DGKB: variants seen among roughly 807,000 people sequenced by gnomAD.
DGKB encodes the protein diacylglycerol kinase beta, also known as 90 kDa diacylglycerol kinase.
DGKB carries 67 observed loss-of-function variants against 114.3 expected under a neutral mutation model. That is an observed-to-expected ratio of 0.59 (90% CI 0.48 to 0.72). The LOEUF is 0.72. Ranked by LOEUF, DGKB falls within the 30% of genes least tolerant of loss-of-function variation. The pLI, the probability that DGKB is intolerant of heterozygous loss-of-function variation, is 0.00. For synonymous variants in DGKB, 398 were observed against 323.1 expected, an observed-to-expected ratio of 1.23 and a Z score of -2.49; for missense variants, 907 against 975.2, an observed-to-expected ratio of 0.93 and a Z score of 0.93.
intron 1 of DGKB, among the ~76,000 whole-genome samples, chr7:14,847,555 A>C (rs574177830): frequency 6.6e-6 from 1 of 152,372 alleles, no homozygotes; most frequent in South Asian, 2.1e-4. Context: ...GATGCAAGGC[A>C]TCATGCCAGA....
intron 21 of DGKB, among the ~76,000 whole-genome samples, chr7:14,462,448 C>T (rs1256398796): frequency 6.6e-6 from 1 of 152,106 alleles, no homozygotes; most frequent in Non-Finnish European, 1.5e-5. Context: ...ACAAGCATTC[C>T]TATACACCAA....
intron 1 of DGKB, among the ~76,000 whole-genome samples, chr7:14,901,771 T>C (rs184350877): frequency 2.8e-4 from 43 of 152,284 alleles, no homozygotes; most frequent in African/African-American, 1.0e-3. Flanking sequence ...TCATTTGCTT[T>C]ACAATGGACT....
chr7:14,483,346 T>C (rs1783280142), intron 20 of DGKB, among the ~76,000 whole-genome samples: 1 of 152,200 alleles, frequency 6.6e-6, no homozygotes, highest in Non-Finnish European at 1.5e-5. Flanking sequence ...TGTCCACAAA[T>C]GGAGAGATAT....
intron 1 of DGKB, among the ~76,000 whole-genome samples, chr7:14,844,797 C>G (rs561787538): frequency 1.9e-3 from 287 of 152,176 alleles, no homozygotes; most frequent in Non-Finnish European, 3.5e-3. Flanking sequence ...CACCTGCCTA[C>G]CTGCTCTGAA....
At chr7:14,830,637 G>C (rs1176296972) in intron 2 of DGKB, among the ~76,000 whole-genome samples, 2 of 151,972 alleles carry the variant, frequency 1.3e-5, no homozygotes, top group Admixed American at 1.3e-4. Flanking sequence ...AAATATTCTA[G>C]AAGTTTTTCA....
At chr7:14,308,254 C>A (rs962588516) in intron 23 of DGKB, among the ~76,000 whole-genome samples, 2 of 151,850 alleles carry the variant, frequency 1.3e-5, no homozygotes, top group African/African-American at 4.8e-5. Context: ...AATGGCTATG[C>A]CATGAGTAAT....
intron 23 of DGKB, among the ~76,000 whole-genome samples, chr7:14,315,133 C>G (rs201859376): frequency 2.5e-4 from 35 of 142,012 alleles, no homozygotes; most frequent in East Asian, 6.3e-4. Context: ...CTGAAGGAAG[C>G]GCTAAACATG....
intron 21 of DGKB, among the ~76,000 whole-genome samples, chr7:14,411,035 C>A (rs12532453): frequency 0.081 from 12,284 of 152,128 alleles, 729 homozygotes; most frequent in East Asian, 0.27. Context: ...ATATGCAATA[C>A]CCCTGAGATG....
intron 23 of DGKB, chr7:14,268,972 G>C (rs1192844696): frequency 6.6e-6 from 1 of 152,194 alleles, no homozygotes; most frequent in Non-Finnish European, 1.5e-5. Flanking sequence ...TTCAGGGCCA[G>C]GTGACTCTGA....
At chr7:14,455,948 GCCTT>G (rs1832223822) in intron 21 of DGKB, among the ~76,000 whole-genome samples, 1 of 151,916 alleles carries the variant, frequency 6.6e-6, no homozygotes, top group Non-Finnish European at 1.5e-5. Context: ...TTGAATTTGT[GCCTT>G]CACTATTTAA....
intron 4 of DGKB, among the ~76,000 whole-genome samples, chr7:14,753,510 C>CG (rs1834412152): frequency 1.3e-5 from 1 of 75,926 alleles, no homozygotes; most frequent in Non-Finnish European, 2.2e-5. Context: ...GTAGACAAAA[C>CG]AAAACAAAAC....
At chr7:14,842,129 C>T (rs1290118710) in intron 1 of DGKB, among the ~76,000 whole-genome samples, 3 of 152,184 alleles carry the variant, frequency 2.0e-5, no homozygotes, top group Non-Finnish European at 2.9e-5. Context: ...TAATCAATTG[C>T]TCAATAATCA....
At chr7:14,791,944 T>G (rs1011848821) in intron 2 of DGKB, among the ~76,000 whole-genome samples, 2 of 152,080 alleles carry the variant, frequency 1.3e-5, no homozygotes, top group African/African-American at 4.8e-5. Context: ...TTTTTACTCT[T>G]TGGTTCTGGT....
At position 14,607,371 on chromosome 7, in the gene DGKB, G is replaced by A. The variant is rs1051526919; in HGVS notation, c.1433+63C>T. ...ATAACATTATTTCTACATATGTCAG[G>A]CAGCTTATTTAATTAATTAACATTA... On this transcript the variant is annotated intron_variant, in intron 17 of 25. Transcript: ENST00000402815. The A allele has an allele frequency of 5.5e-5, 45 of 824,434 alleles. No homozygotes were observed. In the Middle Eastern group the frequency reaches 9.2e-4, roughly 17 times the overall value. The allele number at this position is 824,434 out of a possible 1,614,324, so 51.1% of individuals were successfully genotyped here.
intron 13 of DGKB, among the ~76,000 whole-genome samples, chr7:14,658,820 C>A (rs1036417973): frequency 6.6e-6 from 1 of 151,814 alleles, no homozygotes; most frequent in Non-Finnish European, 1.5e-5. Context: ...TTTAAATATA[C>A]ATTTTTCAAA....
chr7:14,351,637 A>T (rs1813449305), intron 21 of DGKB, among the ~76,000 whole-genome samples: 1 of 152,204 alleles, frequency 6.6e-6, no homozygotes, highest in South Asian at 2.1e-4. Flanking sequence ...ATAAAGAGTT[A>T]TGAAAAAGGT....
intron 20 of DGKB, among the ~76,000 whole-genome samples, chr7:14,520,210 A>ATTTTTTTTTTT (rs386409562): frequency 8.4e-6 from 1 of 119,138 alleles, no homozygotes; most frequent in Non-Finnish European, 1.7e-5. Context: ...CTTTTTTCCT[A>ATTTTTTTTTTT]TTTTTTTTTT....
intron 21 of DGKB, among the ~76,000 whole-genome samples, chr7:14,355,391 T>C (rs1814254090): frequency 6.6e-6 from 1 of 152,178 alleles, no homozygotes; most frequent in Non-Finnish European, 1.5e-5. Flanking sequence ...TTTTGCTCAT[T>C]CAGTATGATA....
chr7:14,428,429 A>G (rs1231282926), intron 21 of DGKB, among the ~76,000 whole-genome samples: 2 of 152,106 alleles, frequency 1.3e-5, no homozygotes, highest in Non-Finnish European at 2.9e-5. Context: ...GTTGTTTTGC[A>G]TCGAGGTTGT....
Sources: allele counts gnomAD v4.1 joint callset (sites outside exome capture counted in the v4.1 genomes callset), GRCh38; gene constraint gnomAD v4.1.1; transcripts MANE v1.5; gene names NCBI Gene and HGNC (gene_info 2026-07-23, HGNC 2026-07-21).